ELFN1: variants seen among roughly 807,000 people sequenced by gnomAD.
ELFN1 encodes the protein protein ELFN1.
In ELFN1, 6 loss-of-function variants were observed where a neutral mutation model predicts 7.6. The ratio of observed to expected loss-of-function variants is 0.79; its 90% CI spans 0.43 to 1.56. The LOEUF (loss-of-function observed/expected upper bound fraction) is 1.56, where lower values mean the gene tolerates loss of function less well. ELFN1 is among the 40% of genes most tolerant of loss of function. The pLI is 0.01. For missense variants in ELFN1, 1,169 were observed against 1,232.2 expected (o/e 0.95, Z 0.77); for synonymous variants, 657 against 588.1 (o/e 1.12, Z -1.70).
chr7:1,739,062 GAGA>G lies in ELFN1; in HGVS notation c.-293-5239_-293-5237del, dbSNP rs1425317411. 6.6e-6 allele frequency: 1 copy of G among 152,188 alleles called. No homozygotes were observed. The highest frequency in any genetic ancestry group is 2.4e-5 in the African/African-American group (1 of 41,432). The allele number at this position is 152,188 out of a possible 1,614,324, so 9.4% of individuals were successfully genotyped here. ...GGGCATGCACCAGAGGACTGGGAGT[GAGA>G]AGGAGCGGAGGCCCATCCAGTGGGC... On this transcript the variant is annotated intron_variant, in intron 3 of 3. Coordinates refer to ENST00000424383, the MANE Select transcript of ELFN1 (RefSeq NM_001128636.4). The surrounding 1 kb of genome is among the most constrained non-coding windows in gnomAD (Gnocchi z 4.6).
chr7:1,685,972 A>G (rs1273865676), intron 1 of ELFN1, among the ~76,000 whole-genome samples: 1 of 147,880 alleles, frequency 6.8e-6, no homozygotes, highest in African/African-American at 2.5e-5. Context: ...ACAAATATAT[A>G]ATATAAATAT....
Position 1,733,566 on chromosome 7 carries a change from C to T in ELFN1, c.-293-10738C>T, listed in dbSNP as rs116339625. ...GAAACATCCTGGTCACTGAGCAAAC[C>T]GGGCTGGGCCACTCCCTGCCTGGGG... On this transcript the variant is annotated intron_variant, in intron 3 of 3. Coordinates refer to ENST00000424383, the MANE Select transcript of ELFN1 (RefSeq NM_001128636.4). 8.6e-3 allele frequency among the ~76,000 whole-genome samples: 1,315 copies of T among 152,194 alleles called. 18 individuals carry two copies. The highest frequency in any genetic ancestry group is 0.03 in the African/African-American group (1,259 of 41,508).
At position 1,725,694 on chromosome 7, in the gene ELFN1, CAT is replaced by C. The variant is rs768540416; in HGVS notation, c.-294+16443_-294+16444del. 7.9e-5 allele frequency among the ~76,000 whole-genome samples: 12 copies of C among 152,160 alleles called. No individual in the cohort carries two copies. In the South Asian group the frequency reaches 1.0e-3, roughly 13 times the overall value. On this transcript the variant is annotated intron_variant, in intron 3 of 3. Coordinates refer to ENST00000424383, the MANE Select transcript of ELFN1 (RefSeq NM_001128636.4). The stretch of plus-strand genomic sequence containing the variant: ...TAATTAGACGCTCCTGTGTGTAACA[CAT>C]GTGTGCACGTCTGTGTGTGCACGTC...
chr7:1,742,556 A>T (rs1583404415), intron 3 of ELFN1, among the ~76,000 whole-genome samples: 1 of 152,210 alleles, frequency 6.6e-6, no homozygotes, highest in Non-Finnish European at 1.5e-5. Context: ...GACTCCCGTG[A>T]TGGTGGATTT....
Position 1,695,770 on chromosome 7 carries a change from A to G in ELFN1, c.-456+7620A>G, listed in dbSNP as rs996227014. 6.6e-6 allele frequency among the ~76,000 whole-genome samples: 1 copy of G among 151,678 alleles called. No homozygotes were observed. Among genetic ancestry groups the G allele is most frequent in the Admixed American group, 6.6e-5 (1 of 15,210 alleles). ...GTCAAAAAAAAAAAAAAAAAAAAAA[A>G]AACCGTGCTGGTTTGGTTTCACTGA... On this transcript the variant is annotated intron_variant, in intron 2 of 3. Transcript: ENST00000424383. This position sits in a 1 kb window ranked among gnomAD's most constrained non-coding sequence, Gnocchi z 5.1.
At position 1,673,224 on chromosome 7, in the gene ELFN1, C is replaced by T. The variant is rs542516708; in HGVS notation, c.-549+2870C>T. ...CACTGCAGTGGACGATGGCGCCATC[C>T]ATTCCAGCACCAGCTGTACAGATGG... On this transcript the variant is annotated intron_variant, in intron 1 of 3. Coordinates refer to ENST00000424383, the MANE Select transcript of ELFN1 (RefSeq NM_001128636.4). This position sits in a 1 kb window ranked among gnomAD's most constrained non-coding sequence, Gnocchi z 4.7. Among the ~76,000 whole-genome samples, 1 of 152,270 alleles carries T rather than the reference C, an allele frequency of 6.6e-6. No homozygotes were observed. Among genetic ancestry groups the T allele is most frequent in the Non-Finnish European group, 1.5e-5 (1 of 68,006 alleles).
chr7:1,720,822 G>C (rs1482160933), intron 3 of ELFN1, among the ~76,000 whole-genome samples: 3 of 144,080 alleles, frequency 2.1e-5, no homozygotes, highest in Non-Finnish European at 4.5e-5. Flanking sequence ...CTGTATTATC[G>C]TCTGAAGTAA....
intron 3 of ELFN1, among the ~76,000 whole-genome samples, chr7:1,732,728 G>A (rs894714724): frequency 2.0e-5 from 3 of 151,996 alleles, no homozygotes; most frequent in African/African-American, 7.2e-5. Context: ...GGAGAAATAT[G>A]CCCCACGGAG....
chr7:1,704,391 A>G (rs1490713818), intron 2 of ELFN1, among the ~76,000 whole-genome samples: 1 of 152,124 alleles, frequency 6.6e-6, no homozygotes, highest in Non-Finnish European at 1.5e-5. Context: ...AGAACCTACA[A>G]TACACACACA....
At chr7:1,666,708 G>A (rs1386876828), upstream of ELFN1, among the ~76,000 whole-genome samples, 2 of 151,764 alleles carry the variant, frequency 1.3e-5, no homozygotes, top group Admixed American at 6.6e-5. The surrounding 1 kb of genome is among the most constrained non-coding windows in gnomAD (Gnocchi z 7.9). Context: ...AACCACAGAC[G>A]AACCCCTCTT....
In ELFN1 at chr7:1,746,858, C is replaced by A; in HGVS notation, c.2262C>A (p.Ser754=). The change falls in exon 4 of 4, where the codon TCC becomes TCA. Residue 754 remains serine (S), a synonymous_variant. Coordinates refer to ENST00000424383, the MANE Select transcript of ELFN1 (RefSeq NM_001128636.4). ...GCGACCTCGCCTACTCGCAGCTGTC[C>A]CCGCAGTACCACAGCCTGAGCTACT... ...RPRDLAYSQL[S]PQYHSLSYSS... is the part of the protein sequence containing the mutation. The A allele has an allele frequency of 6.5e-7, 1 of 1,538,156 alleles. No homozygotes were observed. The highest frequency in any genetic ancestry group is 8.8e-7 in the Non-Finnish European group (1 of 1,141,054).
At chr7:1,700,123 C>T (rs1464716392) in intron 2 of ELFN1, among the ~76,000 whole-genome samples, 1 of 152,220 alleles carries the variant, frequency 6.6e-6, no homozygotes, top group Admixed American at 6.5e-5. Context: ...CTGGTAGGTT[C>T]TCAGAAGTGG....
rs546273429 is a variant in ELFN1 at position 1,726,445 on chromosome 7, C to T, written c.-294+17193C>T. Among the ~76,000 whole-genome samples the T allele has an allele frequency of 5.3e-5, 8 of 152,358 alleles. No homozygotes were observed. The South Asian group carries it at 1.7e-3, about 32-fold the overall frequency. ...CTCAGACATATGCTGGCGGCACGCTCAGCCCAACACCACGCCAAGTCCCTC... is the reference window on the plus strand; with the variant it reads ...CTCAGACATATGCTGGCGGCACGCTTAGCCCAACACCACGCCAAGTCCCTC... On this transcript the variant is annotated intron_variant, in intron 3 of 3. Coordinates refer to ENST00000424383, the MANE Select transcript of ELFN1 (RefSeq NM_001128636.4).
chr7:1,668,343 AG>A (rs1365220185), upstream of ELFN1, among the ~76,000 whole-genome samples: 1 of 152,248 alleles, frequency 6.6e-6, no homozygotes, highest in Non-Finnish European at 1.5e-5. Context: ...AGCACAGCGC[AG>A]GGCACACGGG....
intron 2 of ELFN1, among the ~76,000 whole-genome samples, chr7:1,697,453 G>A (rs954786318): frequency 2.6e-5 from 4 of 152,216 alleles, no homozygotes; most frequent in Admixed American, 1.3e-4. Flanking sequence ...ACTGAGCACC[G>A]CTGGGTTGAC....
chr7:1,690,328 A>G (rs987632294), intron 2 of ELFN1, among the ~76,000 whole-genome samples: 6 of 146,058 alleles, frequency 4.1e-5, no homozygotes, highest in Non-Finnish European at 7.5e-5. Flanking sequence ...GGTGGATGCT[A>G]GAAGGATATA....
chr7:1,725,815 CAA>C (rs1378059213), intron 3 of ELFN1, among the ~76,000 whole-genome samples: 2 of 152,126 alleles, frequency 1.3e-5, no homozygotes, highest in African/African-American at 2.4e-5. Flanking sequence ...CACATTCACA[CAA>C]AAGTCACACT....
chr7:1,675,624 C>T (rs891219432), intron 1 of ELFN1, among the ~76,000 whole-genome samples: 1 of 152,208 alleles, frequency 6.6e-6, no homozygotes. Flanking sequence ...TTCCTGGGGC[C>T]GAGGAGCGGG....
At chr7:1,669,751 T>A (rs34447324), upstream of ELFN1, among the ~76,000 whole-genome samples, 10,185 of 152,254 alleles carry the variant, frequency 0.067, 452 homozygotes, top group African/African-American at 0.12. Flanking sequence ...CCTAGGTCCC[T>A]GCCCTCCCGG....
Sources: gnomAD v4.1 joint callset for allele counts (sites outside exome capture counted in the v4.1 genomes callset) on GRCh38, gnomAD v4.1.1 for gene constraint, Gnocchi (gnomAD v3.1) non-coding constraint, MANE v1.5 for transcripts, NCBI Gene and HGNC (gene_info 2026-07-23, HGNC 2026-07-21) for gene names.